Variants in LIMCH1 observed in about 807,000 individuals in gnomAD.
The protein encoded by LIMCH1 is LIM and calponin homology domains 1.
A neutral mutation model predicts 176.5 loss-of-function variants in LIMCH1; 113 were observed. The ratio of observed to expected loss-of-function variants is 0.64; its 90% CI spans 0.55 to 0.75. The LOEUF (loss-of-function observed/expected upper bound fraction) is 0.75, where lower values mean the gene tolerates loss of function less well. Among genes scored for constraint, LIMCH1 ranks in the 30% least tolerant of loss-of-function variants. The probability of loss-of-function intolerance (pLI) is 0.00; values close to 1 mark genes in which losing one functional copy is unlikely to be tolerated. For synonymous variants in LIMCH1, 619 were observed against 645.9 expected, an observed-to-expected ratio of 0.96 and a Z score of 0.63; for missense variants, 1,674 against 1,814.9, an observed-to-expected ratio of 0.92 and a Z score of 1.41.
intron 1 of LIMCH1, among the ~76,000 whole-genome samples, chr4:41,405,253 C>G (rs922753410): frequency 6.6e-6 from 1 of 152,156 alleles, no homozygotes. Flanking sequence ...AGTCTATTAG[C>G]ATTTTAATCA....
At chr4:41,478,398 C>A (rs2068066973) in intron 1 of LIMCH1, among the ~76,000 whole-genome samples, 4 of 152,208 alleles carry the variant, frequency 2.6e-5, no homozygotes, top group Non-Finnish European at 5.9e-5. Flanking sequence ...AAAGGATAGG[C>A]TGATTGAACT....
intron 1 of LIMCH1, among the ~76,000 whole-genome samples, chr4:41,430,565 C>T: frequency 6.6e-6 from 1 of 152,182 alleles, no homozygotes; most frequent in East Asian, 1.9e-4. Flanking sequence ...CACCCTGCCC[C>T]CATCTCTGTA....
chr4:41,690,048 G>A (rs893084079), intron 30 of LIMCH1, among the ~76,000 whole-genome samples: 1 of 152,130 alleles, frequency 6.6e-6, no homozygotes, highest in Non-Finnish European at 1.5e-5. Context: ...AAAATTGTCT[G>A]TCAATTAAGT....
At chr4:41,427,004 T>A (rs970939097) in intron 1 of LIMCH1, among the ~76,000 whole-genome samples, 2 of 152,220 alleles carry the variant, frequency 1.3e-5, no homozygotes, top group Non-Finnish European at 2.9e-5. Flanking sequence ...CTACCTCCAG[T>A]GCCTCACACA....
intron 1 of LIMCH1, among the ~76,000 whole-genome samples, chr4:41,541,701 G>A (rs1437466873): frequency 6.6e-6 from 1 of 152,184 alleles, no homozygotes; most frequent in Non-Finnish European, 1.5e-5. Flanking sequence ...CTTTCTGTAA[G>A]CAGTCATTTC....
intron 1 of LIMCH1, among the ~76,000 whole-genome samples, chr4:41,565,346 T>TACACAC (rs34056313): frequency 0.019 from 2,501 of 128,556 alleles, 63 homozygotes; most frequent in African/African-American, 0.055. Context: ...CTATTTCGGA[T>TACACAC]ACACACACAC....
chr4:41,499,304 A>G lies in LIMCH1; in HGVS notation c.167+4698A>G, dbSNP rs531812162. On this transcript the variant is annotated intron_variant, in intron 2 of 26. Coordinates refer to the LIMCH1 transcript ENST00000313860. The stretch of plus-strand genomic sequence containing the variant: ...TTTGCCATATTTGCTTTATCTCTTC[A>G]TGTGTATATATGCCTCTTTTTCCCT... Among the ~76,000 whole-genome samples the G allele has an allele frequency of 2.6e-4, 40 of 152,290 alleles. No homozygotes were observed. In the South Asian group the frequency reaches 6.6e-3, roughly 25 times the overall value.
At position 41,619,415 on chromosome 4, in the gene LIMCH1, C is replaced by G. The variant is rs1209324111; in HGVS notation, c.433C>G (p.Pro145Ala). 1.9e-6 allele frequency: 3 copies of G among 1,611,266 alleles called. No homozygotes were observed. In the East Asian group the frequency reaches 6.7e-5, roughly 36 times the overall value. The change falls in exon 6 of 32, where the codon CCG (proline) becomes GCG (alanine). Residue 145 changes from proline (P) to alanine (A), a missense_variant. Pro to Ala is a conservative substitution (Grantham distance 27). Around this residue, in one of 3 missense-constraint regions of LIMCH1, gnomAD observed 655 missense variants for 692.2 expected, o/e 0.95. Transcript: ENST00000503057. ...CAAGAGCTGGAGTACCGCCACCTCC[C>G]CGCTGGGTGGGGAGAGGCCCTTCAG... is the stretch of plus-strand genomic sequence containing the variant. ...YRKSWSTATS[P>A]LGGERPFSFP... is the part of the protein sequence containing the mutation.
intron 1 of LIMCH1, among the ~76,000 whole-genome samples, chr4:41,455,635 CA>C (rs1371971155): frequency 6.6e-6 from 1 of 152,034 alleles, no homozygotes; most frequent in Non-Finnish European, 1.5e-5. Context: ...AACAAAAAAA[CA>C]AAAAACAAAA....
Position 41,372,962 on chromosome 4 carries a change from G to T in LIMCH1, c.96+12026G>T, listed in dbSNP as rs898121876. ...ATATGAGTATTGGCAATTTGTCTCC[G>T]TTTGGGACATCATTCATTCATTCAT... On this transcript the variant is annotated intron_variant, in intron 1 of 26. Transcript: ENST00000313860. 2.6e-5 allele frequency among the ~76,000 whole-genome samples: 4 copies of T among 152,284 alleles called. No homozygotes were observed. In the South Asian group the frequency reaches 6.2e-4, roughly 24 times the overall value.
At chr4:41,562,360 C>G (rs913680683) in intron 1 of LIMCH1, among the ~76,000 whole-genome samples, 1 of 152,096 alleles carries the variant, frequency 6.6e-6, no homozygotes, top group East Asian at 1.9e-4. Context: ...TTTTAACTTT[C>G]CCTTGTCTCC....
In LIMCH1 at chr4:41,676,481, C is replaced by CT. The variant is rs762106183; in HGVS notation, c.3519+26dup. 21 of 1,600,814 alleles carry CT rather than the reference C, an allele frequency of 1.3e-5. No homozygotes were observed. Among genetic ancestry groups the CT allele is most frequent in the East Asian group, 2.2e-5 (1 of 44,764 alleles). ...GCTCCAGGTAGGATGGAGTTTGCTG[C>CT]TTTTTTTGTTTTTCCTTTTTTGTCC... On this transcript the variant is annotated intron_variant, in intron 23 of 31. Transcript: ENST00000503057.
chr4:41,392,480 C>T (rs2057351729), intron 1 of LIMCH1, among the ~76,000 whole-genome samples: 1 of 152,180 alleles, frequency 6.6e-6, no homozygotes, highest in Admixed American at 6.5e-5. Context: ...GGCCCTGAGA[C>T]AGCACTTGCC....
intron 1 of LIMCH1, among the ~76,000 whole-genome samples, chr4:41,387,224 A>T (rs2056611146): frequency 6.6e-6 from 1 of 152,254 alleles, no homozygotes; most frequent in Non-Finnish European, 1.5e-5. Flanking sequence ...ACATGAGAAC[A>T]TACATTGTTC....
At chr4:41,586,168 G>C (rs1335106661) in intron 1 of LIMCH1, among the ~76,000 whole-genome samples, 1 of 146,756 alleles carries the variant, frequency 6.8e-6, no homozygotes, top group Non-Finnish European at 1.5e-5. Flanking sequence ...GAGTGCAGTA[G>C]CGTGATCTCA....
intron 2 of LIMCH1, among the ~76,000 whole-genome samples, chr4:41,513,946 C>T (rs1204298435): frequency 4.1e-5 from 5 of 121,378 alleles, no homozygotes; most frequent in South Asian, 3.0e-4. Context: ...GTGGAGGTTC[C>T]GGTGAGCGGA....
rs186051107 is a variant in LIMCH1, at chr4:41,489,931, A to G, written c.97-4605A>G. 7.9e-5 allele frequency among the ~76,000 whole-genome samples: 12 copies of G among 152,306 alleles called. No homozygotes were observed. In the East Asian group the frequency reaches 2.1e-3, roughly 27 times the overall value. Reference sequence around the variant, plus strand: ...AAATATTGTATATGTCATATATATTATATACTGTACTCTTTTAATAAAGTA... The same window carrying G: ...AAATATTGTATATGTCATATATATTGTATACTGTACTCTTTTAATAAAGTA... On this transcript the variant is annotated intron_variant, in intron 1 of 26. Coordinates refer to the LIMCH1 transcript ENST00000313860.
At chr4:41,609,664 A>T in intron 4 of LIMCH1, 1 of 455,874 alleles carries the variant, frequency 2.2e-6, no homozygotes, top group Non-Finnish European at 4.4e-6. Flanking sequence ...AGATGAGTAA[A>T]ATAATCCCAA....
chr4:41,561,494 G>A (rs749788575), intron 1 of LIMCH1, among the ~76,000 whole-genome samples: 3 of 152,132 alleles, frequency 2.0e-5, no homozygotes, highest in African/African-American at 4.8e-5. Context: ...ATGTATAGTC[G>A]CTGCTCTTGT....
Sources: gnomAD v4.1 joint callset for allele counts (sites outside exome capture counted in the v4.1 genomes callset) on GRCh38, gnomAD v4.1.1 for gene constraint, gnomAD v4.1.1 regional missense constraint, MANE v1.5 for transcripts, NCBI Gene and HGNC (gene_info 2026-07-23, HGNC 2026-07-21) for gene names.